Variants in PTBP3 observed in about 807,000 individuals in gnomAD.
The protein encoded by PTBP3 is polypyrimidine tract binding protein 3.
PTBP3 carries 20 observed loss-of-function variants against 58.7 expected under a neutral mutation model. The observed-to-expected ratio is 0.34, with a 90% CI of 0.24 to 0.50. The LOEUF is 0.50. Ranked by LOEUF, PTBP3 falls within the 20% of genes least tolerant of loss-of-function variation. PTBP3 has a pLI of 0.98. For missense variants in PTBP3, 509 were observed against 637.2 expected (o/e 0.80, Z 2.17); for synonymous variants, 185 against 219.8 (o/e 0.84, Z 1.40).
In PTBP3 at chr9:112,221,052, A is replaced by C. The variant is rs184206379; in HGVS notation, c.*2799T>G. ...CAACACAAATACTGTAGACCTCTAT[A>C]ATTCAAACAGCAAATAGCTTAATAT... is the stretch of plus-strand genomic sequence containing the variant. On this transcript the variant is annotated 3_prime_UTR_variant, in exon 14 of 14. Transcript: ENST00000374257. 2.4e-3 allele frequency: 2,336 copies of C among 982,118 alleles called. 2 individuals are homozygous for C. Among genetic ancestry groups the C allele is most frequent in the Admixed American group, 5.5e-3 (89 of 16,264 alleles). 60.8% of individuals were successfully genotyped at this position (982,118 alleles called of 1,614,324 possible).
At chr9:112,266,546 G>A (rs533614663) in intron 4 of PTBP3, among the ~76,000 whole-genome samples, 3 of 152,198 alleles carry the variant, frequency 2.0e-5, no homozygotes, top group East Asian at 1.9e-4. Context: ...TATTGGATTG[G>A]AATATGCTGC....
the PTBP3 span, among the ~76,000 whole-genome samples, chr9:112,340,985 C>T: frequency 3.6e-4 from 54 of 152,020 alleles, no homozygotes; most frequent in African/African-American, 1.3e-3. Flanking sequence ...TCTTCTTATC[C>T]GTTTTTGTTC....
intron 2 of PTBP3, among the ~76,000 whole-genome samples, chr9:112,286,527 T>C (rs4979095): frequency 0.49 from 73,938 of 151,926 alleles, 18,341 homozygotes; most frequent in African/African-American, 0.58. Flanking sequence ...CTTCAAATAA[T>C]ATTAAAACAC....
upstream of PTBP3, among the ~76,000 whole-genome samples, chr9:112,333,929 C>G (rs1477250079): frequency 2.0e-5 from 3 of 150,496 alleles, no homozygotes; most frequent in Admixed American, 2.0e-4. Context: ...CGCTCCGCCG[C>G]GCACCCCGCC....
At position 112,290,738 on chromosome 9, in the gene PTBP3, A is replaced by ACACACAC. The variant is rs1564438731; in HGVS notation, c.34+7093_34+7094insGTGTGTG. Among the ~76,000 whole-genome samples, 9 of 148,532 alleles carry ACACACAC rather than the reference A, an allele frequency of 6.1e-5. No individual in the cohort carries two copies. The South Asian group carries it at 6.4e-4, about 11-fold the overall frequency. On this transcript the variant is annotated intron_variant, in intron 2 of 13. Transcript: ENST00000374257. ...CACACACACACACACACACACACAC[A>ACACACAC]ATCAAGTGTTGGCAAAGTTCTGGAA... is the stretch of plus-strand genomic sequence containing the variant.
chr9:112,356,754 TAAGGGA>T, the PTBP3 span, among the ~76,000 whole-genome samples: 2 of 149,968 alleles, frequency 1.3e-5, no homozygotes, highest in Non-Finnish European at 2.9e-5. Flanking sequence ...GTCAGAGATA[TAAGGGA>T]AAGACTCAAG....
intron 5 of PTBP3, 43 bp from the exon 6 acceptor site, chr9:112,252,831 T>A: frequency 9.0e-7 from 1 of 1,106,866 alleles, no homozygotes; most frequent in African/African-American, 1.6e-5. Context: ...AAGAAAAGTA[T>A]TAAACTGATG....
intron 2 of PTBP3, among the ~76,000 whole-genome samples, chr9:112,288,042 G>C (rs923814032): frequency 6.6e-6 from 1 of 152,164 alleles, no homozygotes; most frequent in Non-Finnish European, 1.5e-5. Context: ...CTTTTAAAGT[G>C]TTAGACTTCA....
Position 112,228,492 on chromosome 9 carries a change from A to C in PTBP3, c.1055-20T>G. ...AGACTCCTAATTAAAACAAAACAAA[A>C]CACTGTGTTTAACGTCTGATTGTGT... is the stretch of plus-strand genomic sequence containing the variant. On this transcript the variant is annotated intron_variant, in intron 10 of 13. Transcript: ENST00000374257. 2 of 1,468,986 alleles carry C rather than the reference A, an allele frequency of 1.4e-6. No homozygotes were observed. Among genetic ancestry groups the C allele is most frequent in the Non-Finnish European group, 1.9e-6 (2 of 1,072,750 alleles). 91.0% of individuals were successfully genotyped at this position (1,468,986 alleles called of 1,614,324 possible).
At chr9:112,280,788 T>TGTGC (rs1317290976) in intron 2 of PTBP3, among the ~76,000 whole-genome samples, 947 of 6,222 alleles carry the variant, frequency 0.15, 10 homozygotes, top group African/African-American at 0.43. Context: ...TGTGTGTGCA[T>TGTGC]ATATATATAT....
At chr9:112,235,670 T>C (rs1028855423) in intron 7 of PTBP3, among the ~76,000 whole-genome samples, 1 of 152,202 alleles carries the variant, frequency 6.6e-6, no homozygotes, top group African/African-American at 2.4e-5. Context: ...CAAACTCAGA[T>C]TATTGTAAGT....
Position 112,302,893 on chromosome 9 carries a change from CTA to C in PTBP3, c.-51-4979_-51-4978del, listed in dbSNP as rs150226047. Among the ~76,000 whole-genome samples, 885 of 152,118 alleles carry C rather than the reference CTA, an allele frequency of 5.8e-3. 8 individuals are homozygous for C. Among genetic ancestry groups the C allele is most frequent in the African/African-American group, 0.02 (839 of 41,528 alleles). On this transcript the variant is annotated intron_variant, in intron 1 of 13. Coordinates refer to ENST00000374257, the MANE Select transcript of PTBP3 (RefSeq NM_001163788.4). ...GCGTGAGCCACCACGCCCAGCCTGA[CTA>C]TATTCTTCTTAATGCACACATGCCA...
intron 1 of PTBP3, among the ~76,000 whole-genome samples, chr9:112,316,071 T>C (rs1029460687): frequency 1.3e-5 from 2 of 152,202 alleles, no homozygotes; most frequent in African/African-American, 2.4e-5. Flanking sequence ...CTCTCATACA[T>C]TAATAGACAG....
chr9:112,370,089 A>G, the PTBP3 span, among the ~76,000 whole-genome samples: 1 of 152,190 alleles, frequency 6.6e-6, no homozygotes, highest in Non-Finnish European at 1.5e-5. Context: ...CTTTTTCTTT[A>G]TAAATGATCC....
At chr9:112,236,635 G>A (rs1224369051) in intron 7 of PTBP3, among the ~76,000 whole-genome samples, 2 of 152,070 alleles carry the variant, frequency 1.3e-5, no homozygotes, top group Admixed American at 6.6e-5. Flanking sequence ...CTATATAACT[G>A]GCCAAACATG....
At chr9:112,364,395 A>G in the PTBP3 span, among the ~76,000 whole-genome samples, 2 of 152,162 alleles carry the variant, frequency 1.3e-5, no homozygotes, top group African/African-American at 4.8e-5. Flanking sequence ...ACCATGGCTC[A>G]TGCCTGTAAT....
intron 1 of PTBP3, 44 bp from the exon 2 acceptor site, chr9:112,297,960 A>T: frequency 7.1e-7 from 1 of 1,417,964 alleles, no homozygotes; most frequent in African/African-American, 1.4e-5. Context: ...CAAGTTTTAG[A>T]TAATGGTCCA....
At chr9:112,240,159 G>C (rs1589810634) in intron 7 of PTBP3, among the ~76,000 whole-genome samples, 1 of 152,150 alleles carries the variant, frequency 6.6e-6, no homozygotes, top group Admixed American at 6.5e-5. Context: ...CCAATGTAAA[G>C]ATGGGGGCAT....
At chr9:112,308,436 T>C (rs10981354) in intron 1 of PTBP3, among the ~76,000 whole-genome samples, 73,735 of 151,434 alleles carry the variant, frequency 0.49, 18,326 homozygotes, top group African/African-American at 0.58. Context: ...CTGCATTTAA[T>C]TACAGACTAC....
Sources: allele counts gnomAD v4.1 joint callset (sites outside exome capture counted in the v4.1 genomes callset), GRCh38; gene constraint gnomAD v4.1.1; transcripts MANE v1.5; gene names NCBI Gene and HGNC (gene_info 2026-07-23, HGNC 2026-07-21).